The following S1PR1 variants were observed in gnomAD, a reference collection of about 807,000 sequenced individuals.
The protein encoded by S1PR1 is sphingosine-1-phosphate receptor 1.
S1PR1 carries 2 observed loss-of-function variants against 18.3 expected under a neutral mutation model. The observed-to-expected ratio is 0.11, with a 90% confidence interval of 0.04 to 0.34. S1PR1 has a LOEUF of 0.34. Ranked by LOEUF, S1PR1 falls within the 10% of genes least tolerant of loss-of-function variation. S1PR1 has a pLI of 1.00. For missense variants in S1PR1, 335 were observed against 493.8 expected, an observed-to-expected ratio of 0.68 and a Z score of 3.05; for synonymous variants, 222 against 211.2, an observed-to-expected ratio of 1.05 and a Z score of -0.44.
downstream of S1PR1, among the ~76,000 whole-genome samples, chr1:101,242,166 G>A (rs150936171): frequency 9.2e-5 from 14 of 152,272 alleles, no homozygotes; most frequent in Middle Eastern, 6.8e-3. Context: ...GTATCTGAAA[G>A]CATTAATATT....
Position 101,240,346 on chromosome 1 carries a change from AG to A in S1PR1, c.*215del. 2 of 615,984 alleles carry A rather than the reference AG, an allele frequency of 3.2e-6. No homozygotes were observed. The highest frequency in any genetic ancestry group is 5.9e-6 in the Non-Finnish European group (2 of 339,466). The allele number at this position is 615,984 out of a possible 1,614,324, so 38.2% of individuals were successfully genotyped here. On this transcript the variant is annotated 3_prime_UTR_variant, in exon 2 of 2. Coordinates refer to ENST00000305352, the MANE Select transcript of S1PR1 (RefSeq NM_001400.5). ...CAATGCACTGGGAAGGGTGGAGATCAGGTCCCGGCCTGGAATATATTTTCTA... is the reference window on the plus strand; with the variant it reads ...CAATGCACTGGGAAGGGTGGAGATCAGTCCCGGCCTGGAATATATTTTCTA...
chr1:101,238,268 T>A (rs1437223341), intron 1 of S1PR1: 1 of 147,164 alleles, frequency 6.8e-6, no homozygotes, highest in Non-Finnish European at 1.5e-5. Flanking sequence ...CTAGTATCTT[T>A]GAACTGGGGG....
upstream of S1PR1, chr1:101,236,941 G>T (rs980615500): frequency 3.9e-5 from 6 of 152,134 alleles, no homozygotes; most frequent in African/African-American, 1.5e-4. Context: ...CGCGGCGAGC[G>T]GGACTGGCCA....
At chr1:101,237,299 T>C (rs543900181) in intron 1 of S1PR1, among the ~76,000 whole-genome samples, 200 bp downstream of exon 1, 19 of 152,328 alleles carry the variant, frequency 1.2e-4, no homozygotes, top group African/African-American at 4.6e-4. Context: ...TTGTGATTTA[T>C]GGAGTTCAGA....
In S1PR1 at chr1:101,237,075, C is replaced by T. The variant is rs1419356630; in HGVS notation, c.-188C>T. The T allele has an allele frequency of 1.3e-5, 2 of 152,276 alleles. No homozygotes were observed. Among genetic ancestry groups the T allele is most frequent in the Non-Finnish European group, 2.9e-5 (2 of 68,038 alleles). 9.4% of individuals were successfully genotyped at this position (152,276 alleles called of 1,614,324 possible). A position where few individuals can be genotyped will look rare whatever the true frequency, so the allele number is the denominator to read the frequency against. On this transcript the variant is annotated 5_prime_UTR_variant, in exon 1 of 2. It adds an upstream start codon to the 5' untranslated region. Coordinates refer to ENST00000305352, the MANE Select transcript of S1PR1 (RefSeq NM_001400.5). ...CCGTACAGATCCCGGGCTCTCCGAA[C>T]GCAACTTCGCCCTGCTTGAGCGAGG...
At position 101,241,017 on chromosome 1, in the gene S1PR1, T is replaced by G. The variant is rs1268710301; in HGVS notation, c.*884T>G. The stretch of plus-strand genomic sequence containing the variant: ...ACTTTTGCAAACCAAGGGAGATTTC[T>G]TAGCAAATGAGTCTAACAAATATGA... On this transcript the variant is annotated 3_prime_UTR_variant, in exon 2 of 2. Transcript: ENST00000305352. 1 of 167,142 alleles carries G rather than the reference T, an allele frequency of 6.0e-6. No individual in the cohort carries two copies. Among genetic ancestry groups the G allele is most frequent in the Admixed American group, 6.5e-5 (1 of 15,286 alleles). The allele number at this position is 167,142 out of a possible 1,614,324, so 10.4% of individuals were successfully genotyped here. A position where few individuals can be genotyped will look rare whatever the true frequency, so the allele number is the denominator to read the frequency against.
chr1:101,241,783 T>C (rs924562656), downstream of S1PR1, among the ~76,000 whole-genome samples: 2 of 152,210 alleles, frequency 1.3e-5, no homozygotes, highest in Non-Finnish European at 2.9e-5. Flanking sequence ...GTAAGTAGAA[T>C]TGTTTGAGTT....
At position 101,240,020 on chromosome 1, in the gene S1PR1, G is replaced by A; in HGVS notation, c.1036G>A (p.Ala346Thr). The change falls in exon 2 of 2, where the codon GCC (alanine) becomes ACC (threonine). Residue 346 changes from alanine (A) to threonine (T), a missense_variant. By Grantham distance (58) the Ala-to-Thr change is moderately conservative. Around this residue, in one of 3 missense-constraint regions of S1PR1, gnomAD observed 90 missense variants for 97.6 expected, o/e 0.92. Transcript: ENST00000305352. The stretch of plus-strand genomic sequence containing the variant: ...TGGCAAATTCAAGCGACCCATCATC[G>A]CCGGCATGGAATTCAGCCGCAGCAA... The part of the protein sequence containing the change: ...SAGKFKRPII[A>T]GMEFSRSKSD... 1 of 1,613,886 alleles carries A rather than the reference G, an allele frequency of 6.2e-7. No homozygotes were observed. The highest frequency in any genetic ancestry group is 8.5e-7 in the Non-Finnish European group (1 of 1,180,028).
downstream of S1PR1, among the ~76,000 whole-genome samples, chr1:101,242,009 T>G (rs1421622959): frequency 5.9e-5 from 6 of 102,472 alleles, no homozygotes; most frequent in Middle Eastern, 5.6e-3. Context: ...ATCATGTGTT[T>G]TTTTTTTTTT....
rs563560518 is a variant in S1PR1, at chr1:101,239,631, C to G, written c.647C>G (p.Ser216Cys). ...ACGGTCTTCACTCTGCTTCTGCTCT[C>G]CATCGTCATTCTGTACTGCAGAATC... ...CTTVFTLLLLSIVILYCRIYS... is the reference protein window; with the variant it reads ...CTTVFTLLLLCIVILYCRIYS... The change falls in exon 2 of 2, where the codon TCC becomes TGC. Residue 216 changes from serine (S) to cysteine (C), a missense_variant. Ser to Cys is a moderately radical substitution (Grantham distance 112, BLOSUM62 -1). Around this residue, in one of 3 missense-constraint regions of S1PR1, gnomAD observed 214 missense variants for 366.6 expected, o/e 0.58. Transcript: ENST00000305352. The surrounding 1 kb of genome is among the most constrained non-coding windows in gnomAD (Gnocchi z 6.3). 3.7e-6 allele frequency: 6 copies of G among 1,614,132 alleles called. No homozygotes were observed. In the South Asian group the frequency reaches 4.4e-5, roughly 12 times the overall value.
Sources: allele counts gnomAD v4.1 joint callset (sites outside exome capture counted in the v4.1 genomes callset), GRCh38; gene constraint gnomAD v4.1.1; regional missense constraint gnomAD v4.1.1; non-coding constraint Gnocchi (gnomAD v3.1); transcripts MANE v1.5; gene names NCBI Gene and HGNC (gene_info 2026-07-23, HGNC 2026-07-21).